Variants in OSBPL10 observed in about 807,000 individuals in gnomAD.
OSBPL10 encodes the protein oxysterol binding protein like 10.
Under a neutral mutation model 81.7 loss-of-function variants are expected in OSBPL10, and 49 were observed. That is an observed-to-expected ratio of 0.60 (90% CI 0.48 to 0.76). OSBPL10 has a LOEUF of 0.76. Ranked by LOEUF, OSBPL10 falls within the 30% of genes least tolerant of loss-of-function variation. OSBPL10 has a pLI of 0.00. For synonymous variants in OSBPL10, 419 were observed against 383.6 expected, an observed-to-expected ratio of 1.09 and a Z score of -1.08; for missense variants, 923 against 987.8, an observed-to-expected ratio of 0.93 and a Z score of 0.88.
chr3:32,048,457 G>A (rs944231758), intron 1 of OSBPL10, among the ~76,000 whole-genome samples: 59 of 151,944 alleles, frequency 3.9e-4, no homozygotes, highest in African/African-American at 1.2e-3. Flanking sequence ...ACAGGCATAC[G>A]CCACCATGCC....
At chr3:31,666,405 C>A (rs138704262) in intron 10 of OSBPL10, among the ~76,000 whole-genome samples, 5 of 152,352 alleles carry the variant, frequency 3.3e-5, no homozygotes, top group African/African-American at 1.2e-4. Flanking sequence ...AGGGCTGGCA[C>A]CACTGTGAGA....
At chr3:31,747,487 TAA>T (rs61150758) in intron 5 of OSBPL10, among the ~76,000 whole-genome samples, 3,445 of 98,572 alleles carry the variant, frequency 0.035, 80 homozygotes, top group African/African-American at 0.099. Flanking sequence ...AATCTTCAAA[TAA>T]AAAAAAAAAA....
intron 4 of OSBPL10, among the ~76,000 whole-genome samples, chr3:31,763,687 A>G (rs1328814315): frequency 6.6e-6 from 1 of 152,226 alleles, no homozygotes; most frequent in Non-Finnish European, 1.5e-5. Flanking sequence ...AGGCAAGAAC[A>G]TGACTACATA....
At chr3:31,822,184 G>C (rs1245801787) in intron 4 of OSBPL10, 1 of 152,206 alleles carries the variant, frequency 6.6e-6, no homozygotes, top group Non-Finnish European at 1.5e-5. Context: ...CCTCAACCCA[G>C]TTAATCTATC....
chr3:31,672,856 C>G (rs1289686694), intron 8 of OSBPL10, among the ~76,000 whole-genome samples: 3 of 152,160 alleles, frequency 2.0e-5, no homozygotes, highest in Non-Finnish European at 4.4e-5. Context: ...AGAAGCAGAT[C>G]ATGTGGGCTG....
intron 4 of OSBPL10, among the ~76,000 whole-genome samples, chr3:31,774,396 G>T (rs938859817): frequency 6.6e-6 from 1 of 152,210 alleles, no homozygotes; most frequent in Admixed American, 6.5e-5. Context: ...GAGCAGGCGA[G>T]CGGAGTGTCG....
chr3:31,782,788 C>G (rs373636255), intron 4 of OSBPL10, among the ~76,000 whole-genome samples: 3 of 152,062 alleles, frequency 2.0e-5, no homozygotes, highest in East Asian at 3.8e-4. Flanking sequence ...CAAAAAATAA[C>G]AGATGTTGGC....
chr3:31,859,701 A>G (rs1199606577), intron 3 of OSBPL10, among the ~76,000 whole-genome samples: 7 of 152,208 alleles, frequency 4.6e-5, no homozygotes, highest in Non-Finnish European at 1.0e-4. Context: ...TAACGTCATC[A>G]TCATCCCAAA....
intron 3 of OSBPL10, 75 bp downstream of exon 3, chr3:31,876,358 C>A (rs2125631666): frequency 1.5e-6 from 2 of 1,293,690 alleles, no homozygotes; most frequent in East Asian, 4.6e-5. Context: ...AACACCTTCC[C>A]CGAAGAAACA....
intron 1 of OSBPL10, among the ~76,000 whole-genome samples, chr3:31,917,715 T>C (rs764420024): frequency 1.3e-5 from 2 of 148,668 alleles, no homozygotes; most frequent in Admixed American, 6.8e-5. Flanking sequence ...CCTCAAAACA[T>C]GTAACCTTGA....
At chr3:31,669,990 G>T (rs1700283715) in intron 9 of OSBPL10, among the ~76,000 whole-genome samples, 1 of 152,168 alleles carries the variant, frequency 6.6e-6, no homozygotes, top group African/African-American at 2.4e-5. Context: ...TCTCTAAAAG[G>T]GAAGACACCT....
At chr3:31,986,010 C>T (rs967833044), upstream of OSBPL10, among the ~76,000 whole-genome samples, 2 of 152,146 alleles carry the variant, frequency 1.3e-5, no homozygotes, top group East Asian at 1.9e-4. Flanking sequence ...TCTTAGCCAC[C>T]GTATTATACC....
At chr3:31,873,258 C>A (rs1362285026) in intron 3 of OSBPL10, among the ~76,000 whole-genome samples, 1 of 152,026 alleles carries the variant, frequency 6.6e-6, no homozygotes, top group African/African-American at 2.4e-5. Context: ...CCATATTCTA[C>A]GATAAAAAGG....
chr3:31,804,664 G>C (rs552008798), intron 4 of OSBPL10, among the ~76,000 whole-genome samples: 26 of 152,148 alleles, frequency 1.7e-4, no homozygotes, highest in African/African-American at 6.3e-4. Context: ...TGGCCATAAC[G>C]TAACAGCGCC....
At chr3:31,809,468 A>G (rs1025092766) in intron 4 of OSBPL10, among the ~76,000 whole-genome samples, 2 of 152,224 alleles carry the variant, frequency 1.3e-5, no homozygotes, top group Non-Finnish European at 2.9e-5. Flanking sequence ...TATTCTTAGA[A>G]AGTATATCAT....
chr3:31,911,803 A>T (rs1171740095), intron 1 of OSBPL10, among the ~76,000 whole-genome samples: 1 of 152,148 alleles, frequency 6.6e-6, no homozygotes, highest in Non-Finnish European at 1.5e-5. Flanking sequence ...TGCAAAAGTT[A>T]GTCATTCTCC....
intron 9 of OSBPL10, among the ~76,000 whole-genome samples, chr3:31,669,905 A>G (rs991536996): frequency 1.3e-5 from 2 of 152,254 alleles, no homozygotes; most frequent in African/African-American, 4.8e-5. Flanking sequence ...GCTCACAGGC[A>G]GGTATGAGGC....
At chr3:31,994,431 A>G (rs1442290631) in intron 2 of OSBPL10, among the ~76,000 whole-genome samples, 1 of 152,132 alleles carries the variant, frequency 6.6e-6, no homozygotes, top group Non-Finnish European at 1.5e-5. Context: ...AAGGTATATG[A>G]GGTCAAATGT....
chr3:31,773,000 C>CT lies in OSBPL10; in HGVS notation c.730-24881dup, dbSNP rs60001546. On this transcript the variant is annotated intron_variant, in intron 4 of 11. Transcript: ENST00000396556. The stretch of plus-strand genomic sequence containing the variant: ...CCTGATCCTGGGTAACGTGACCAAA[C>CT]TTTTTTTTTTTTTTTTGGCTTTCAG... Among the ~76,000 whole-genome samples, 809 of 138,042 alleles carry CT rather than the reference C, an allele frequency of 5.9e-3. 5 individuals are homozygous for CT. Among genetic ancestry groups the CT allele is most frequent in the South Asian group, 0.012 (50 of 4,192 alleles). 90.6% of individuals were successfully genotyped at this position (138,042 alleles called of 152,430 possible). A position where few individuals can be genotyped will look rare whatever the true frequency, so the allele number is the denominator to read the frequency against.
Sources: gnomAD v4.1 joint callset for allele counts (sites outside exome capture counted in the v4.1 genomes callset) on GRCh38, gnomAD v4.1.1 for gene constraint, MANE v1.5 for transcripts, NCBI Gene and HGNC (gene_info 2026-07-23, HGNC 2026-07-21) for gene names.